The following KAZN variants were observed in gnomAD, a reference collection of about 807,000 sequenced individuals.
KAZN encodes the protein kazrin.
In KAZN, 40 loss-of-function variants were observed where a neutral mutation model predicts 87.4. The ratio of observed to expected loss-of-function variants is 0.46; its 90% CI spans 0.36 to 0.60. The LOEUF (loss-of-function observed/expected upper bound fraction) is 0.60. Among genes scored for constraint, KAZN ranks in the 20% least tolerant of loss-of-function variants. KAZN has a pLI of 0.00. For missense variants in KAZN, 898 were observed against 1,073.9 expected (o/e 0.84, Z 2.29); for synonymous variants, 466 against 458.3 (o/e 1.02, Z -0.22).
chr1:13,893,394 T>G, exon 1 of KAZN: 1 of 357,856 alleles, frequency 2.8e-6, no homozygotes, highest in Non-Finnish European at 4.9e-6. Flanking sequence ...GGGGGAAACT[T>G]AGATTTTTCT....
intron 2 of KAZN, among the ~76,000 whole-genome samples, chr1:15,003,233 T>C (rs1367436406): frequency 6.6e-6 from 1 of 152,106 alleles, no homozygotes; most frequent in East Asian, 1.9e-4. Flanking sequence ...CCAGGTGGGA[T>C]AATGCATGTA....
At chr1:14,984,406 G>C (rs1427625609) in intron 2 of KAZN, among the ~76,000 whole-genome samples, 1 of 152,054 alleles carries the variant, frequency 6.6e-6, no homozygotes, top group Admixed American at 6.6e-5. Context: ...ACAGAGTAGA[G>C]CAAATAAGTA....
At chr1:14,749,389 C>T (rs975894572) in intron 1 of KAZN, among the ~76,000 whole-genome samples, 3 of 152,156 alleles carry the variant, frequency 2.0e-5, no homozygotes, top group Non-Finnish European at 2.9e-5. Context: ...TTATAGCCAC[C>T]GAATGTTTTT....
At chr1:14,231,515 G>T (rs560621102) in intron 2 of KAZN, among the ~76,000 whole-genome samples, 1 of 152,314 alleles carries the variant, frequency 6.6e-6, no homozygotes, top group African/African-American at 2.4e-5. Context: ...GTTAGAAAGA[G>T]CCAATGACAG....
intron 3 of KAZN, among the ~76,000 whole-genome samples, chr1:15,039,980 C>T (rs1672727044): frequency 6.6e-6 from 1 of 152,168 alleles, no homozygotes; most frequent in Admixed American, 6.5e-5. Flanking sequence ...AAATTAATAC[C>T]TTAATACTAA....
At chr1:14,377,838 C>T (rs1217472073) in intron 2 of KAZN, among the ~76,000 whole-genome samples, 2 of 152,142 alleles carry the variant, frequency 1.3e-5, no homozygotes, top group Non-Finnish European at 2.9e-5. Context: ...CGGAGGCTGT[C>T]TACAGGTTTT....
chr1:15,067,495 C>A, intron 8 of KAZN: 1 of 985,474 alleles, frequency 1.0e-6, no homozygotes, highest in Non-Finnish European at 1.2e-6. Flanking sequence ...TTTCCTTATT[C>A]TTTTGCTTCT....
intron 1 of KAZN, among the ~76,000 whole-genome samples, chr1:14,805,749 A>G (rs1273341627): frequency 8.1e-5 from 12 of 148,220 alleles, no homozygotes; most frequent in Non-Finnish European, 1.8e-4. Context: ...AGACAGAGCA[A>G]CACCCCATCT....
chr1:14,771,126 A>T (rs1645007721), intron 1 of KAZN, among the ~76,000 whole-genome samples: 2 of 152,292 alleles, frequency 1.3e-5, no homozygotes, highest in South Asian at 4.1e-4. Context: ...CGCTGTGATC[A>T]TTGCCATATG....
intron 1 of KAZN, among the ~76,000 whole-genome samples, chr1:14,063,970 G>A (rs192881920): frequency 2.8e-4 from 42 of 152,280 alleles, no homozygotes; most frequent in Admixed American, 1.6e-3. Context: ...AGGCTCGAGT[G>A]CAATGGTGTG....
At chr1:15,109,905 TTGTG>T (rs1260986532) in intron 13 of KAZN, among the ~76,000 whole-genome samples, 21 of 146,238 alleles carry the variant, frequency 1.4e-4, no homozygotes, top group Non-Finnish European at 2.6e-4. Context: ...GTATATGTGT[TTGTG>T]TATGTTTGTG....
chr1:14,543,708 T>G (rs1672950070), intron 2 of KAZN, among the ~76,000 whole-genome samples: 1 of 152,220 alleles, frequency 6.6e-6, no homozygotes, highest in African/African-American at 2.4e-5. Flanking sequence ...CATCCTAATG[T>G]GAGAACCATC....
intron 2 of KAZN, among the ~76,000 whole-genome samples, chr1:14,475,223 T>C (rs1408689989): frequency 6.6e-6 from 1 of 152,102 alleles, no homozygotes; most frequent in Admixed American, 6.6e-5. Context: ...AAGTAGAAAA[T>C]GCTTATTAAA....
In KAZN at chr1:14,238,320, G is replaced by A. The variant is rs1351932345; in HGVS notation, c.249+57728G>A. Among the ~76,000 whole-genome samples the A allele has an allele frequency of 2.0e-5, 3 of 152,212 alleles. No individual in the cohort carries two copies. In the East Asian group the frequency reaches 5.8e-4, roughly 29 times the overall value. ...GAAGGCTGGAAGGAGTAGGTGATGG[G>A]ACCAAATGAGAAGGAAAAGAAACAT... On this transcript the variant is annotated intron_variant, in intron 2 of 16. Transcript: ENST00000636203.
chr1:14,272,706 A>T (rs1339356612), intron 2 of KAZN, among the ~76,000 whole-genome samples: 1 of 151,806 alleles, frequency 6.6e-6, no homozygotes, highest in Non-Finnish European at 1.5e-5. Flanking sequence ...AAAATACAAA[A>T]AATTAGCTGG....
At chr1:14,744,731 A>C (rs1428441851) in intron 1 of KAZN, among the ~76,000 whole-genome samples, 1 of 152,326 alleles carries the variant, frequency 6.6e-6, no homozygotes, top group South Asian at 2.1e-4. Flanking sequence ...GTCTCTTTAA[A>C]AATAAAAACA....
intron 1 of KAZN, among the ~76,000 whole-genome samples, chr1:13,940,053 A>G (rs1353410671): frequency 6.6e-6 from 1 of 152,162 alleles, no homozygotes; most frequent in Admixed American, 6.5e-5. Flanking sequence ...TTTAGAGGGA[A>G]CAACATCCAA....
At chr1:15,048,561 C>A (rs2100398641) in intron 4 of KAZN, among the ~76,000 whole-genome samples, 1 of 152,238 alleles carries the variant, frequency 6.6e-6, no homozygotes, top group East Asian at 1.9e-4. Context: ...GGTTGTTGGT[C>A]CTGGGTCGTT....
intron 1 of KAZN, among the ~76,000 whole-genome samples, chr1:14,673,432 G>T (rs1394823478): frequency 1.3e-5 from 2 of 152,212 alleles, no homozygotes; most frequent in African/African-American, 2.4e-5. Context: ...GTGATAATTT[G>T]ATTGTTTTGA....
Sources: gnomAD v4.1 joint callset for allele counts (sites outside exome capture counted in the v4.1 genomes callset) on GRCh38, gnomAD v4.1.1 for gene constraint, MANE v1.5 for transcripts, NCBI Gene and HGNC (gene_info 2026-07-23, HGNC 2026-07-21) for gene names.